The following DOCK7 variants were observed in gnomAD, a reference collection of about 807,000 sequenced individuals.
DOCK7 encodes the protein dedicator of cytokinesis protein 7.
In DOCK7, 138 loss-of-function variants were observed where a neutral mutation model predicts 271.0. The ratio of observed to expected loss-of-function variants is 0.51; its 90% CI spans 0.44 to 0.59. The LOEUF (loss-of-function observed/expected upper bound fraction) is 0.59, where lower values mean the gene tolerates loss of function less well. DOCK7 is among the 20% of genes least tolerant of loss of function. The pLI is 0.00. For synonymous variants in DOCK7, 823 were observed against 876.1 expected (o/e 0.94, Z 1.07); for missense variants, 2,066 against 2,592.4 (o/e 0.80, Z 4.41).
intron 1 of DOCK7, 81 bp downstream of exon 1, chr1:62,688,146 C>T (rs1163905619): frequency 8.2e-7 from 1 of 1,226,866 alleles, no homozygotes. Context: ...CACACCCACC[C>T]GCCTCCTAGG....
At chr1:62,545,955 G>C (rs1330229939) in intron 22 of DOCK7, among the ~76,000 whole-genome samples, 2 of 152,096 alleles carry the variant, frequency 1.3e-5, no homozygotes, top group East Asian at 3.9e-4. Flanking sequence ...CTGGGGACTT[G>C]AGAATCTAAT....
Position 62,633,502 on chromosome 1 carries a change from G to A in DOCK7, c.1112C>T (p.Thr371Ile). 1 of 1,607,334 alleles carries A rather than the reference G, an allele frequency of 6.2e-7. No individual in the cohort carries two copies. Among genetic ancestry groups the A allele is most frequent in the Non-Finnish European group, 8.5e-7 (1 of 1,174,506 alleles). Residue 371 changes from threonine (T) to isoleucine (I), a missense_variant, in exon 10 of 50, where the codon ACC becomes ATC. By Grantham distance (89) the Thr-to-Ile change is moderately conservative. Coordinates refer to ENST00000635253, the MANE Select transcript of DOCK7 (RefSeq NM_001367561.1). Reference protein sequence around the residue: ...PYMIFKEADATKNKEKLEKLK... With the variant: ...PYMIFKEADAIKNKEKLEKLK... ...ATGAGAAGCATAACATTCTACCTTG[G>A]TGGCATCTGCTTCTTTGAAAATCAT...
At chr1:62,481,233 A>G (rs80045918) in intron 43 of DOCK7, among the ~76,000 whole-genome samples, 169 of 152,270 alleles carry the variant, frequency 1.1e-3, no homozygotes, top group Non-Finnish European at 2.0e-3. Flanking sequence ...GGAGCAGAGT[A>G]AGCAAACAGG....
chr1:62,659,886 G>A (rs899694697), intron 2 of DOCK7, among the ~76,000 whole-genome samples: 1 of 152,102 alleles, frequency 6.6e-6, no homozygotes, highest in African/African-American at 2.4e-5. Flanking sequence ...AAATAACAGA[G>A]TTATACTCTG....
intron 14 of DOCK7, among the ~76,000 whole-genome samples, chr1:62,610,914 A>G (rs1171771719): frequency 6.6e-6 from 1 of 152,246 alleles, no homozygotes; most frequent in Non-Finnish European, 1.5e-5. Context: ...ATAGTGCTGC[A>G]ATAAACATGT....
At chr1:62,626,781 A>C (rs1654008098) in intron 11 of DOCK7, among the ~76,000 whole-genome samples, 1 of 152,114 alleles carries the variant, frequency 6.6e-6, no homozygotes, top group Non-Finnish European at 1.5e-5. Context: ...CAAAGAAAAG[A>C]CCAGGCCATG....
chr1:62,495,720 T>C, intron 38 of DOCK7, 39 bp from the exon 39 acceptor site: 4 of 1,478,496 alleles, frequency 2.7e-6, no homozygotes, highest in Non-Finnish European at 3.7e-6. Context: ...TCTTGAATTG[T>C]CATTCATCCA....
chr1:62,596,541 C>T (rs776600681), intron 14 of DOCK7, among the ~76,000 whole-genome samples: 4 of 151,938 alleles, frequency 2.6e-5, no homozygotes, highest in Non-Finnish European at 5.9e-5. Flanking sequence ...CGCTTGTAAT[C>T]GGCTGGGCTC....
chr1:62,462,586 A>G (rs1645562098), intron 48 of DOCK7, among the ~76,000 whole-genome samples: 1 of 152,196 alleles, frequency 6.6e-6, no homozygotes, highest in South Asian at 2.1e-4. Context: ...TTCACCACAA[A>G]CCTGTGAATG....
In DOCK7 at chr1:62,681,213, G is replaced by T. The variant is rs1283224465; in HGVS notation, c.38+7014C>A. ...TGGAATACTATGCAGCCATAAAAAA[G>T]GATGAGTTCATGTCCTTTGTAGGGA... On this transcript the variant is annotated intron_variant, in intron 1 of 49. Transcript: ENST00000635253. Among the ~76,000 whole-genome samples the T allele has an allele frequency of 3.3e-5, 5 of 151,834 alleles. No homozygotes were observed. In the East Asian group the frequency reaches 7.7e-4, roughly 24 times the overall value.
chr1:62,646,584 A>C (rs1317441997), intron 7 of DOCK7, among the ~76,000 whole-genome samples: 1 of 152,214 alleles, frequency 6.6e-6, no homozygotes, highest in Non-Finnish European at 1.5e-5. Flanking sequence ...ACAGAAGAAA[A>C]GTCATGTGAG....
intron 41 of DOCK7, among the ~76,000 whole-genome samples, chr1:62,491,592 T>TA (rs1557619235): frequency 6.6e-6 from 1 of 152,224 alleles, no homozygotes; most frequent in Non-Finnish European, 1.5e-5. Context: ...TTCATAAAAC[T>TA]AAAGAGTAAG....
Position 62,506,871 on chromosome 1 carries a change from C to T in DOCK7, c.4477-1055G>A, listed in dbSNP as rs192612733. ...CTGAGGCAGGAGAATCACTTGAACCCGGGAGGCGGAGGTTGTGGTGAGCTG... is the reference window on the plus strand; with the variant it reads ...CTGAGGCAGGAGAATCACTTGAACCTGGGAGGCGGAGGTTGTGGTGAGCTG... On this transcript the variant is annotated intron_variant, in intron 35 of 49. Transcript: ENST00000635253. Among the ~76,000 whole-genome samples, 974 of 150,734 alleles carry T rather than the reference C, an allele frequency of 6.5e-3. 17 individuals are homozygous for T. The highest frequency in any genetic ancestry group is 0.023 in the African/African-American group (938 of 41,240).
intron 11 of DOCK7, chr1:62,628,175 T>C (rs1654184033): frequency 1.3e-5 from 2 of 152,368 alleles, no homozygotes; most frequent in East Asian, 1.9e-4. Flanking sequence ...CAGCTCACAA[T>C]AGGGTTCATG....
chr1:62,685,645 T>C (rs949659410), intron 1 of DOCK7, among the ~76,000 whole-genome samples: 1 of 152,012 alleles, frequency 6.6e-6, no homozygotes, highest in Non-Finnish European at 1.5e-5. Context: ...CAAATAGATA[T>C]TTCTCTCTGA....
chr1:62,686,606 T>A (rs1038939290), intron 1 of DOCK7, among the ~76,000 whole-genome samples: 1 of 152,228 alleles, frequency 6.6e-6, no homozygotes, highest in Admixed American at 6.5e-5. Context: ...AAGTGTTTGA[T>A]GACAGGTAGT....
rs1409396332 is a variant in DOCK7 at position 62,670,139 on chromosome 1, G to A, written c.39-7009C>T. ...GCTGCCTTCCCACGGGGCAGGGCTC[G>A]GGACCTGCAGCCCGCCATGCCTGAG... On this transcript the variant is annotated intron_variant, in intron 1 of 49. Coordinates refer to ENST00000635253, the MANE Select transcript of DOCK7 (RefSeq NM_001367561.1). Among the ~76,000 whole-genome samples the A allele has an allele frequency of 2.6e-5, 4 of 152,336 alleles. No individual in the cohort carries two copies. The East Asian group carries it at 5.8e-4, about 22-fold the overall frequency.
chr1:62,545,421 G>A (rs560043415), intron 22 of DOCK7, among the ~76,000 whole-genome samples: 29 of 152,162 alleles, frequency 1.9e-4, no homozygotes, highest in Admixed American at 3.9e-4. Context: ...AAAAATGGAA[G>A]AAAAACACTC....
At chr1:62,646,625 A>T (rs1656700021) in intron 7 of DOCK7, among the ~76,000 whole-genome samples, 1 of 152,246 alleles carries the variant, frequency 6.6e-6, no homozygotes, top group Non-Finnish European at 1.5e-5. Flanking sequence ...TCTGCAAGCC[A>T]GAGAGAGATG....
Sources: allele counts gnomAD v4.1 joint callset (sites outside exome capture counted in the v4.1 genomes callset), GRCh38; gene constraint gnomAD v4.1.1; transcripts MANE v1.5; gene names NCBI Gene and HGNC (gene_info 2026-07-23, HGNC 2026-07-21).